IL1RAPL2: variants seen among roughly 807,000 people sequenced by gnomAD.
IL1RAPL2 encodes the protein X-linked interleukin-1 receptor accessory protein-like 2.
IL1RAPL2 carries 3 observed loss-of-function variants against 44.1 expected under a neutral mutation model. The ratio of observed to expected loss-of-function variants is 0.07; its 90% CI spans 0.03 to 0.18. The LOEUF is 0.18. Among genes scored for constraint, IL1RAPL2 ranks in the 10% least tolerant of loss-of-function variants. IL1RAPL2 has a pLI of 1.00. For missense variants in IL1RAPL2, 391 were observed against 496.4 expected (o/e 0.79, Z 2.02); for synonymous variants, 181 against 178.8 (o/e 1.01, Z -0.10).
chrX:105,358,903 T>A (rs1302975641), intron 5 of IL1RAPL2, among the ~76,000 whole-genome samples: 1 of 111,605 alleles, frequency 9.0e-6, no homozygotes, highest in Non-Finnish European at 1.9e-5. Context: ...AAGTAGAAGC[T>A]GACCGATAAT....
At chrX:105,498,602 C>A (rs1026190815) in intron 6 of IL1RAPL2, among the ~76,000 whole-genome samples, 1 of 111,364 alleles carries the variant, frequency 9.0e-6, no homozygotes, top group Non-Finnish European at 1.9e-5. Context: ...AAAGAAAGAA[C>A]AACAAAGCTG....
chrX:104,852,554 A>G (rs750168068), intron 2 of IL1RAPL2, among the ~76,000 whole-genome samples: 2 of 112,246 alleles, frequency 1.8e-5, no homozygotes, highest in Admixed American at 9.5e-5. Context: ...GATTCTAACA[A>G]CTTTCACAAT....
At chrX:105,136,257 G>A (rs190221059) in intron 2 of IL1RAPL2, among the ~76,000 whole-genome samples, 23 of 111,689 alleles carry the variant, frequency 2.1e-4, no homozygotes, top group African/African-American at 7.1e-4. Flanking sequence ...TCAGAATATG[G>A]TTATATATTT....
At chrX:104,901,659 C>T (rs1184291179) in intron 2 of IL1RAPL2, among the ~76,000 whole-genome samples, 1 of 111,061 alleles carries the variant, frequency 9.0e-6, no homozygotes, top group Non-Finnish European at 1.9e-5. Context: ...TAGTGAATCC[C>T]ATATGGAAGA....
rs182143093 is a variant in IL1RAPL2 at position 105,580,050 on chromosome X, G to A, written c.772+95663G>A. Reference sequence around the variant, plus strand: ...ATTGCTTTCACAACTTCTTTATTGCGAGTAAATTGTTCAGGTAAAACCATC... The same window carrying A: ...ATTGCTTTCACAACTTCTTTATTGCAAGTAAATTGTTCAGGTAAAACCATC... On this transcript the variant is annotated intron_variant, in intron 6 of 10. Transcript: ENST00000372582. Among the ~76,000 whole-genome samples the A allele has an allele frequency of 2.0e-4, 22 of 111,640 alleles. No individual in the cohort carries two copies. The East Asian group carries it at 4.3e-3, about 22-fold the overall frequency.
intron 2 of IL1RAPL2, among the ~76,000 whole-genome samples, chrX:104,697,342 A>G (rs925185768): frequency 4.4e-5 from 5 of 112,730 alleles, no homozygotes; most frequent in African/African-American, 1.6e-4. Context: ...TCTTGACTTT[A>G]AGCCTCCTTC....
chrX:104,633,309 T>A (rs1319150550), intron 1 of IL1RAPL2, among the ~76,000 whole-genome samples: 13 of 111,679 alleles, frequency 1.2e-4, no homozygotes, highest in African/African-American at 3.6e-4. Flanking sequence ...TCTCTTTTTT[T>A]GTTGTCTCTC....
At chrX:105,157,455 A>G (rs1040665466) in intron 2 of IL1RAPL2, among the ~76,000 whole-genome samples, 3 of 112,385 alleles carry the variant, frequency 2.7e-5, no homozygotes, top group East Asian at 5.6e-4. Flanking sequence ...TCAATTTTCA[A>G]TTATAAAATT....
At chrX:104,583,104 T>C (rs932367242) in intron 1 of IL1RAPL2, among the ~76,000 whole-genome samples, 3 of 108,369 alleles carry the variant, frequency 2.8e-5, no homozygotes, top group Non-Finnish European at 5.7e-5. Context: ...GTCAGGCTGG[T>C]CTAAAACTTC....
intron 4 of IL1RAPL2, among the ~76,000 whole-genome samples, chrX:105,251,245 A>T (rs1054098867): frequency 9.1e-6 from 1 of 110,078 alleles, no homozygotes; most frequent in African/African-American, 3.3e-5. Context: ...AAAAAATGTC[A>T]TTAGAAACCT....
intron 1 of IL1RAPL2, among the ~76,000 whole-genome samples, chrX:104,639,253 C>T (rs1159812432): frequency 9.0e-6 from 1 of 111,274 alleles, no homozygotes; most frequent in Admixed American, 9.6e-5. Flanking sequence ...TAGTACATGG[C>T]TTTTTATTTC....
intron 2 of IL1RAPL2, among the ~76,000 whole-genome samples, chrX:105,062,586 A>G (rs1039589718): frequency 2.7e-5 from 3 of 111,361 alleles, no homozygotes; most frequent in African/African-American, 9.8e-5. Context: ...TTCTGACTGA[A>G]GAACTCCCTT....
chrX:105,378,995 A>G (rs991374609), intron 5 of IL1RAPL2, among the ~76,000 whole-genome samples: 2 of 111,851 alleles, frequency 1.8e-5, no homozygotes, highest in Admixed American at 9.5e-5. Flanking sequence ...TGTATGACCT[A>G]GAGATTCACT....
intron 2 of IL1RAPL2, among the ~76,000 whole-genome samples, chrX:105,100,844 G>A (rs991000528): frequency 8.9e-6 from 1 of 112,384 alleles, no homozygotes; most frequent in Admixed American, 9.4e-5. Flanking sequence ...AGGGGACCTG[G>A]AACAGATCTC....
intron 6 of IL1RAPL2, among the ~76,000 whole-genome samples, chrX:105,589,208 T>C (rs1025249408): frequency 2.3e-4 from 26 of 112,257 alleles, no homozygotes; most frequent in Admixed American, 1.1e-3. Context: ...TCTGTTCATG[T>C]CCTTTGCTCA....
chrX:105,514,522 A>G (rs2036497204), intron 6 of IL1RAPL2, among the ~76,000 whole-genome samples: 1 of 112,835 alleles, frequency 8.9e-6, no homozygotes, highest in African/African-American at 3.2e-5. Flanking sequence ...ATGTGGTAGA[A>G]TACTTTGAAG....
At chrX:105,236,969 G>A (rs1039660613) in intron 4 of IL1RAPL2, among the ~76,000 whole-genome samples, 18 of 110,735 alleles carry the variant, frequency 1.6e-4, no homozygotes, top group South Asian at 3.9e-4. Flanking sequence ...TACATTAGGT[G>A]TATCTCCTAA....
chrX:105,390,740 A>G (rs1007640915), intron 5 of IL1RAPL2, among the ~76,000 whole-genome samples: 11 of 110,808 alleles, frequency 9.9e-5, no homozygotes, highest in African/African-American at 3.6e-4. Context: ...AATCTTTGTA[A>G]TTCCGTATGA....
Position 105,203,489 on chromosome X carries a change from T to C in IL1RAPL2, c.356+7741T>C, listed in dbSNP as rs148184231. On this transcript the variant is annotated intron_variant, in intron 3 of 10. Transcript: ENST00000372582. Reference sequence around the variant, plus strand: ...TACCCATTAAATATATGCAGTTATTTGTGTATCAATTATATCTCAATAAAA... The same window carrying C: ...TACCCATTAAATATATGCAGTTATTCGTGTATCAATTATATCTCAATAAAA... Among the ~76,000 whole-genome samples the C allele has an allele frequency of 8.7e-3, 897 of 103,508 alleles. 7 individuals carry two copies. The highest frequency in any genetic ancestry group is 0.029 in the Middle Eastern group (6 of 207). 89.9% of individuals were successfully genotyped at this position (103,508 alleles called of 115,157 possible). A position where few individuals can be genotyped will look rare whatever the true frequency, so the allele number is the denominator to read the frequency against.
Sources: gnomAD v4.1 joint callset for allele counts (sites outside exome capture counted in the v4.1 genomes callset) on GRCh38, gnomAD v4.1.1 for gene constraint, MANE v1.5 for transcripts, NCBI Gene and HGNC (gene_info 2026-07-23, HGNC 2026-07-21) for gene names.